Variants in TTLL7 observed in about 807,000 individuals in gnomAD.
TTLL7 encodes tubulin polyglutamylase TTLL7.
TTLL7 carries 53 observed loss-of-function variants against 120.2 expected under a neutral mutation model. That is an observed-to-expected ratio of 0.44 (90% CI 0.35 to 0.55). The LOEUF (loss-of-function observed/expected upper bound fraction) is 0.55, where lower values mean the gene tolerates loss of function less well. Among genes scored for constraint, TTLL7 ranks in the 20% least tolerant of loss-of-function variants. TTLL7 has a pLI of 0.00. For missense variants in TTLL7, 803 were observed against 1,054.7 expected (o/e 0.76, Z 3.31); for synonymous variants, 353 against 351.7 (o/e 1.00, Z -0.04).
chr1:83,974,555 G>A (rs977476658), intron 1 of TTLL7, among the ~76,000 whole-genome samples: 1 of 151,906 alleles, frequency 6.6e-6, no homozygotes, highest in African/African-American at 2.4e-5. Flanking sequence ...TATGGATCTT[G>A]TTAATAAACA....
chr1:83,986,833 C>A (rs534696450), intron 1 of TTLL7, among the ~76,000 whole-genome samples: 1 of 151,826 alleles, frequency 6.6e-6, no homozygotes, highest in African/African-American at 2.4e-5. Context: ...AAGCAAGACT[C>A]CATCTCAAAA....
intron 1 of TTLL7, among the ~76,000 whole-genome samples, chr1:83,990,400 C>A (rs182538313): frequency 5.1e-4 from 78 of 152,246 alleles, no homozygotes; most frequent in African/African-American, 1.8e-3. Context: ...TGGTCTCGAT[C>A]TCCTGACCTC....
chr1:83,996,125 G>A (rs1380396491), intron 1 of TTLL7, among the ~76,000 whole-genome samples: 1 of 152,004 alleles, frequency 6.6e-6, no homozygotes, highest in Non-Finnish European at 1.5e-5. Flanking sequence ...AATTATGAGG[G>A]TGTTTTTTTC....
chr1:83,892,447 A>T (rs62646652), intron 18 of TTLL7, among the ~76,000 whole-genome samples: 4,386 of 56,040 alleles, frequency 0.078, 729 homozygotes, highest in African/African-American at 0.11. Flanking sequence ...TGAACATATG[A>T]ATGAACATAT....
At chr1:83,903,964 T>G (rs1656960652) in intron 18 of TTLL7, 115 bp downstream of exon 18, 1 of 792,244 alleles carries the variant, frequency 1.3e-6, no homozygotes, top group East Asian at 2.6e-5. Context: ...AAGTGTTTGT[T>G]GAAGAAATGA....
Position 83,911,338 on chromosome 1 carries a change from G to C in TTLL7, c.1613C>G (p.Thr538Ser). Reference protein sequence around the residue: ...PKPLCSMPESTEIMKRPKYCS... With the variant: ...PKPLCSMPESSEIMKRPKYCS... Reference sequence around the variant, plus strand: ...GTACTTTGGTCTTTTCATTATCTCAGTACTCTCAGGCATAGAACACAGAGG... The same window carrying C: ...GTACTTTGGTCTTTTCATTATCTCACTACTCTCAGGCATAGAACACAGAGG... The change falls in exon 15 of 21, where the codon ACT becomes AGT. Residue 538 changes from threonine to serine, a missense_variant. Around this residue, in one of 3 missense-constraint regions of TTLL7, gnomAD observed 388 missense variants for 450.4 expected, o/e 0.86. Coordinates refer to ENST00000260505, the MANE Select transcript of TTLL7 (RefSeq NM_024686.6). 6.2e-7 allele frequency: 1 copy of C among 1,613,310 alleles called. No individual in the cohort carries two copies. Among genetic ancestry groups the C allele is most frequent in the South Asian group, 1.1e-5 (1 of 91,040 alleles).
intron 1 of TTLL7, among the ~76,000 whole-genome samples, chr1:83,964,369 T>G (rs777130410): frequency 6.6e-6 from 1 of 152,162 alleles, no homozygotes; most frequent in Non-Finnish European, 1.5e-5. Flanking sequence ...CACAATAATA[T>G]AATCTCTATA....
intron 10 of TTLL7, among the ~76,000 whole-genome samples, chr1:83,922,694 C>T (rs962092439): frequency 7.2e-6 from 1 of 139,822 alleles, no homozygotes. Flanking sequence ...GACTTGAATA[C>T]TAGGTTATTG....
rs563543546 is a variant in TTLL7 at position 83,953,298 on chromosome 1, G to A, written c.-176-911C>T. ...ACTTTCTAATTTCTCCTTATTGTAAGAATCCTTCAGTTCTTGTAAAATATC... is the reference window on the plus strand; with the variant it reads ...ACTTTCTAATTTCTCCTTATTGTAAAAATCCTTCAGTTCTTGTAAAATATC... On this transcript the variant is annotated intron_variant, in intron 1 of 20. Transcript: ENST00000260505. Among the ~76,000 whole-genome samples the A allele has an allele frequency of 2.0e-5, 3 of 152,096 alleles. No homozygotes were observed. In the South Asian group the frequency reaches 6.2e-4, roughly 32 times the overall value.
chr1:83,966,787 G>T (rs1330539487), intron 1 of TTLL7, among the ~76,000 whole-genome samples: 1 of 151,970 alleles, frequency 6.6e-6, no homozygotes, highest in African/African-American at 2.4e-5. Context: ...GGTTAGTCCT[G>T]ACACCATTAT....
intron 1 of TTLL7, among the ~76,000 whole-genome samples, chr1:83,976,033 CTGTG>C (rs34596192): frequency 0.11 from 15,665 of 147,664 alleles, 855 homozygotes; most frequent in Non-Finnish European, 0.13. Flanking sequence ...TTGTCTCTCT[CTGTG>C]TGTGTGTGTG....
chr1:83,900,061 C>A, intron 18 of TTLL7: 1 of 361,294 alleles, frequency 2.8e-6, no homozygotes, highest in South Asian at 2.2e-5. Flanking sequence ...ATTGTTTCTT[C>A]CAATTCACAA....
intron 14 of TTLL7, among the ~76,000 whole-genome samples, chr1:83,912,187 T>C (rs1274867305): frequency 1.3e-5 from 2 of 152,134 alleles, no homozygotes; most frequent in African/African-American, 4.8e-5. Flanking sequence ...GGGTAAATTT[T>C]CATGGAGGAA....
At chr1:83,918,450 G>C (rs564161438) in intron 13 of TTLL7, among the ~76,000 whole-genome samples, 1 of 152,188 alleles carries the variant, frequency 6.6e-6, no homozygotes, top group Admixed American at 6.5e-5. Context: ...TTCTAGAAAA[G>C]GTTTTTGAAG....
chr1:83,892,427 AACATATAT>A, intron 18 of TTLL7, among the ~76,000 whole-genome samples: 1 of 138,686 alleles, frequency 7.2e-6, no homozygotes, highest in African/African-American at 2.6e-5. Flanking sequence ...CATATATATG[AACATATAT>A]ATGAACATAT....
At chr1:83,902,351 A>G (rs1656793362) in intron 18 of TTLL7, 2 of 151,864 alleles carry the variant, frequency 1.3e-5, no homozygotes, top group Non-Finnish European at 2.9e-5. Context: ...GCCTGTAGTA[A>G]CTGTGGTGTT....
At chr1:83,923,877 G>A (rs1467342238) in intron 10 of TTLL7, among the ~76,000 whole-genome samples, 2 of 152,046 alleles carry the variant, frequency 1.3e-5, no homozygotes, top group African/African-American at 4.8e-5. Flanking sequence ...CCACTTTCTT[G>A]AGTCTTTTCC....
chr1:83,970,732 T>C (rs1571345158), intron 1 of TTLL7, among the ~76,000 whole-genome samples: 1 of 152,094 alleles, frequency 6.6e-6, no homozygotes, highest in African/African-American at 2.4e-5. Context: ...GATATGAGGA[T>C]TCAAATAAAA....
chr1:83,875,807 G>A (rs1653879420), intron 20 of TTLL7, among the ~76,000 whole-genome samples: 1 of 151,766 alleles, frequency 6.6e-6, no homozygotes, highest in Non-Finnish European at 1.5e-5. Context: ...TTTGAAATTG[G>A]TAGGAGTTAT....
Sources: allele counts gnomAD v4.1 joint callset (sites outside exome capture counted in the v4.1 genomes callset), GRCh38; gene constraint gnomAD v4.1.1; regional missense constraint gnomAD v4.1.1; transcripts MANE v1.5; gene names NCBI Gene and HGNC (gene_info 2026-07-23, HGNC 2026-07-21).